Variants in SAMD13 observed in about 807,000 individuals in gnomAD.
SAMD13 encodes the protein sterile alpha motif domain containing 13.
Under a neutral mutation model 12.4 loss-of-function variants are expected in SAMD13, and 9 were observed. The observed-to-expected ratio is 0.72, with a 90% confidence interval of 0.44 to 1.26. SAMD13 has a LOEUF of 1.26. Among genes scored for constraint, SAMD13 ranks in the 50% most tolerant of loss-of-function variants. The pLI is 0.00. For synonymous variants in SAMD13, 46 were observed against 45.4 expected (o/e 1.01, Z -0.05); for missense variants, 84 against 119.6 (o/e 0.70, Z 1.39).
chr1:84,336,510 T>C (rs1679293486), intron 3 of SAMD13, among the ~76,000 whole-genome samples: 1 of 152,148 alleles, frequency 6.6e-6, no homozygotes, highest in Admixed American at 6.5e-5. Flanking sequence ...CTCCTCTTTT[T>C]AAAACCATCA....
intron 3 of SAMD13, among the ~76,000 whole-genome samples, chr1:84,335,222 G>C (rs1430800286): frequency 1.3e-5 from 2 of 152,086 alleles, no homozygotes; most frequent in African/African-American, 4.8e-5. Context: ...GAATCTGGGT[G>C]CTCCTGTTTT....
intron 2 of SAMD13, among the ~76,000 whole-genome samples, chr1:84,321,749 C>T (rs1216133024): frequency 6.6e-6 from 1 of 152,174 alleles, no homozygotes; most frequent in African/African-American, 2.4e-5. Context: ...ATCTATCCTC[C>T]AGTATCTTCC....
intron 3 of SAMD13, among the ~76,000 whole-genome samples, chr1:84,335,393 T>G (rs1679271615): frequency 6.6e-6 from 1 of 152,224 alleles, no homozygotes; most frequent in Non-Finnish European, 1.5e-5. Context: ...TTCCATTTGT[T>G]AGGTTGATTT....
chr1:84,333,233 CAG>C (rs1679228291), intron 3 of SAMD13, among the ~76,000 whole-genome samples: 1 of 152,062 alleles, frequency 6.6e-6, no homozygotes, highest in Non-Finnish European at 1.5e-5. Context: ...TAGTTTTCTC[CAG>C]TTCTGTGAAG....
At chr1:84,337,674 A>T (rs1679331111) in intron 3 of SAMD13, among the ~76,000 whole-genome samples, 1 of 152,168 alleles carries the variant, frequency 6.6e-6, no homozygotes. Context: ...TGTCTTAGGG[A>T]TTAACATTTG....
chr1:84,335,241 A>G (rs1679267532), intron 3 of SAMD13, among the ~76,000 whole-genome samples: 1 of 152,162 alleles, frequency 6.6e-6, no homozygotes, highest in Admixed American at 6.5e-5. Context: ...TTGGGTGCAT[A>G]TATACTTAGG....
intron 2 of SAMD13, among the ~76,000 whole-genome samples, chr1:84,314,680 G>A (rs1447781579): frequency 6.6e-6 from 1 of 152,100 alleles, no homozygotes; most frequent in Non-Finnish European, 1.5e-5. Flanking sequence ...ATGTGGAAAG[G>A]GGTGGGAGGG....
chr1:84,338,411 G>A (rs1679349315), intron 3 of SAMD13, among the ~76,000 whole-genome samples: 1 of 150,544 alleles, frequency 6.6e-6, no homozygotes, highest in African/African-American at 2.5e-5. Flanking sequence ...AGAGAGAGCT[G>A]GTACAGGGGA....
chr1:84,348,567 C>T (rs1421024213), intron 3 of SAMD13, among the ~76,000 whole-genome samples: 3 of 152,166 alleles, frequency 2.0e-5, no homozygotes, highest in Non-Finnish European at 2.9e-5. Flanking sequence ...TCTTAAGAGA[C>T]GTAAGGTCCC....
chr1:84,303,146 A>G (rs1678488021), intron 1 of SAMD13, 57 bp from the exon 2 acceptor site: 1 of 1,292,478 alleles, frequency 7.7e-7, no homozygotes, highest in Non-Finnish European at 1.1e-6. Context: ...TTCAGAATAT[A>G]TATTCTTCTC....
At chr1:84,344,501 T>C (rs1014761828) in intron 3 of SAMD13, among the ~76,000 whole-genome samples, 1 of 152,036 alleles carries the variant, frequency 6.6e-6, no homozygotes, top group African/African-American at 2.4e-5. Flanking sequence ...ATGTGAAGGA[T>C]CCATACAACA....
At chr1:84,331,885 C>T (rs940333244) in intron 3 of SAMD13, among the ~76,000 whole-genome samples, 1 of 152,058 alleles carries the variant, frequency 6.6e-6, no homozygotes, top group African/African-American at 2.4e-5. Context: ...CTACCCTCCT[C>T]CCACCCTCCA....
chr1:84,303,917 TTA>T (rs1367915855), intron 2 of SAMD13: 1 of 152,204 alleles, frequency 6.6e-6, no homozygotes, highest in African/African-American at 2.4e-5. Flanking sequence ...ATTTTGATAT[TTA>T]TGAGTATATG....
In SAMD13 at chr1:84,349,799, C is replaced by CT. The variant is rs766369713; in HGVS notation, c.*26dup. On this transcript the variant is annotated 3_prime_UTR_variant, in exon 4 of 4. Transcript: ENST00000394834. ...GTACAGTCAAATTGGGGTCTTCGAC[C>CT]TCAAAAAATACATAATGACATAATT... The CT allele has an allele frequency of 8.8e-6, 14 of 1,586,280 alleles. No homozygotes were observed. In the African/African-American group the frequency reaches 1.8e-4, roughly 20 times the overall value.
At chr1:84,311,509 T>C (rs1678712156) in intron 2 of SAMD13, among the ~76,000 whole-genome samples, 1 of 152,228 alleles carries the variant, frequency 6.6e-6, no homozygotes, top group Non-Finnish European at 1.5e-5. Context: ...ATTCACTGTC[T>C]TCTATTTCTT....
chr1:84,339,652 C>G (rs1329918905), intron 3 of SAMD13, among the ~76,000 whole-genome samples: 1 of 152,180 alleles, frequency 6.6e-6, no homozygotes, highest in African/African-American at 2.4e-5. Context: ...GGGATCTGTG[C>G]TTGCTCATGC....
intron 3 of SAMD13, among the ~76,000 whole-genome samples, chr1:84,343,639 G>A (rs1306788447): frequency 1.3e-5 from 2 of 152,172 alleles, no homozygotes; most frequent in Non-Finnish European, 2.9e-5. Flanking sequence ...TTACTTGTAA[G>A]TGGGAGCTGA....
At chr1:84,336,502 CCT>C (rs201111708) in intron 3 of SAMD13, among the ~76,000 whole-genome samples, 1,788 of 152,218 alleles carry the variant, frequency 0.012, 29 homozygotes, top group South Asian at 0.068. Flanking sequence ...GAGGGGAACT[CCT>C]CTTTTTAAAA....
chr1:84,300,268 T>TA (rs1484620535), upstream of SAMD13, among the ~76,000 whole-genome samples: 2 of 152,196 alleles, frequency 1.3e-5, no homozygotes, highest in Non-Finnish European at 1.5e-5. Flanking sequence ...TCAAAAATAT[T>TA]TAATTGGTTC....
Sources: allele counts gnomAD v4.1 joint callset (sites outside exome capture counted in the v4.1 genomes callset), GRCh38; gene constraint gnomAD v4.1.1; transcripts MANE v1.5; gene names NCBI Gene and HGNC (gene_info 2026-07-23, HGNC 2026-07-21).